The following CRTAC1 variants were observed in gnomAD, a reference collection of about 807,000 sequenced individuals.
CRTAC1 encodes the protein cartilage acidic protein 1.
In CRTAC1, 37 loss-of-function variants were observed where a neutral mutation model predicts 67.8. The observed-to-expected ratio is 0.55, with a 90% CI of 0.42 to 0.72. The LOEUF is 0.72. Ranked by LOEUF, CRTAC1 falls within the 30% of genes least tolerant of loss-of-function variation. CRTAC1 has a pLI of 0.00. For synonymous variants in CRTAC1, 348 were observed against 371.0 expected (o/e 0.94, Z 0.71); for missense variants, 780 against 931.6 (o/e 0.84, Z 2.12).
At chr10:97,956,647 T>C (rs1291310098) in intron 2 of CRTAC1, among the ~76,000 whole-genome samples, 2 of 146,062 alleles carry the variant, frequency 1.4e-5, no homozygotes, top group African/African-American at 4.9e-5. Flanking sequence ...TTTGGGCTGA[T>C]CCTCTTCTAA....
In CRTAC1 at chr10:97,956,310, C is replaced by G. The variant is rs143358053; in HGVS notation, c.225-19944G>C. On this transcript the variant is annotated intron_variant, in intron 2 of 14. Transcript: ENST00000370597. The stretch of plus-strand genomic sequence containing the variant: ...ATGTTCTCCCAAATGAACCTGTTAT[C>G]CCTTTTTACAGATGAGGCGTAAGAG... 3.4e-3 allele frequency among the ~76,000 whole-genome samples: 522 copies of G among 152,292 alleles called. 10 individuals are homozygous for G. Among genetic ancestry groups the G allele is most frequent in the Non-Finnish European group, 1.6e-3 (111 of 68,026 alleles).
At chr10:97,910,613 C>A (rs1018625802) in intron 5 of CRTAC1, among the ~76,000 whole-genome samples, 1 of 152,230 alleles carries the variant, frequency 6.6e-6, no homozygotes, top group African/African-American at 2.4e-5. Flanking sequence ...CCAGGCCCGC[C>A]TCTGGATGGG....
At chr10:98,001,225 C>T (rs1232444655) in intron 2 of CRTAC1, among the ~76,000 whole-genome samples, 2 of 152,022 alleles carry the variant, frequency 1.3e-5, no homozygotes, top group Non-Finnish European at 2.9e-5. Flanking sequence ...ACAAAGCAAG[C>T]CCCTCAGTTA....
At chr10:97,897,987 C>T (rs1239810420) in intron 8 of CRTAC1, among the ~76,000 whole-genome samples, 1 of 152,202 alleles carries the variant, frequency 6.6e-6, no homozygotes, top group Non-Finnish European at 1.5e-5. Context: ...GCAGAAAGAG[C>T]TGGCAGATGC....
intron 2 of CRTAC1, among the ~76,000 whole-genome samples, chr10:97,981,171 A>G (rs200759428): frequency 6.6e-6 from 1 of 152,192 alleles, no homozygotes. Context: ...GTGTGACCCT[A>G]TGGATCCTAT....
At chr10:97,930,227 G>C (rs1289106897) in intron 3 of CRTAC1, among the ~76,000 whole-genome samples, 3 of 152,214 alleles carry the variant, frequency 2.0e-5, no homozygotes, top group Non-Finnish European at 4.4e-5. Context: ...TTATTAAAGA[G>C]CTGAGGTTGC....
chr10:97,951,003 A>G (rs143106639), intron 2 of CRTAC1, among the ~76,000 whole-genome samples: 1 of 152,318 alleles, frequency 6.6e-6, no homozygotes, highest in East Asian at 1.9e-4. Context: ...TGCCGGGTTG[A>G]CTGCCCCCTC....
intron 1 of CRTAC1, among the ~76,000 whole-genome samples, chr10:98,013,863 C>T (rs1842951622): frequency 6.6e-6 from 1 of 152,232 alleles, no homozygotes. Flanking sequence ...AGGAGCAAGC[C>T]ATCATTAGTG....
At chr10:97,937,460 C>T (rs1339053261) in intron 2 of CRTAC1, among the ~76,000 whole-genome samples, 1 of 152,230 alleles carries the variant, frequency 6.6e-6, no homozygotes, top group East Asian at 1.9e-4. Context: ...TCCATATTCT[C>T]ATTTACCTCT....
At chr10:98,009,651 T>A (rs1842869872) in intron 2 of CRTAC1, among the ~76,000 whole-genome samples, 1 of 152,184 alleles carries the variant, frequency 6.6e-6, no homozygotes, top group African/African-American at 2.4e-5. Context: ...GGTCAAAGCT[T>A]TCTACTGTTA....
At chr10:97,947,967 C>T (rs2051291124) in intron 2 of CRTAC1, among the ~76,000 whole-genome samples, 1 of 152,034 alleles carries the variant, frequency 6.6e-6, no homozygotes, top group Non-Finnish European at 1.5e-5. Flanking sequence ...CTGAAGGATT[C>T]CGTGCAGGGT....
At chr10:97,904,485 G>T (rs954379631) in intron 7 of CRTAC1, among the ~76,000 whole-genome samples, 184 bp downstream of exon 7, 1 of 152,094 alleles carries the variant, frequency 6.6e-6, no homozygotes, top group Non-Finnish European at 1.5e-5. Flanking sequence ...GCAGTAGCAC[G>T]ATCTCAGCTC....
chr10:97,936,195 G>T lies in CRTAC1; in HGVS notation c.396C>A (p.Phe132Leu). Residue 132 changes from phenylalanine (F) to leucine (L), a missense_variant, in exon 3 of 15, where the codon TTC (phenylalanine) becomes TTA (leucine). Phe to Leu is a conservative substitution (Grantham distance 22). Coordinates refer to ENST00000370597, the MANE Select transcript of CRTAC1 (RefSeq NM_018058.7). ...IDGDGREEIY[F>L]LNTNNAFSGV... ...CCGAGAAGGCATTATTGGTGTTGAG[G>T]AAGTAGATCTCCTCCCGGCCGTCCC... The T allele has an allele frequency of 6.2e-7, 1 of 1,613,098 alleles. No homozygotes were observed. Among genetic ancestry groups the T allele is most frequent in the East Asian group, 2.2e-5 (1 of 44,858 alleles).
At chr10:97,949,270 A>C (rs76148247) in intron 2 of CRTAC1, among the ~76,000 whole-genome samples, 1 of 152,234 alleles carries the variant, frequency 6.6e-6, no homozygotes, top group African/African-American at 2.4e-5. Flanking sequence ...GGCCAACTCA[A>C]GGAATGTGAG....
chr10:97,944,285 G>A (rs146212145), intron 2 of CRTAC1, among the ~76,000 whole-genome samples: 286 of 152,170 alleles, frequency 1.9e-3, no homozygotes, highest in Non-Finnish European at 1.8e-3. Context: ...ACAAAAATTA[G>A]CTGAGCGTGG....
intron 2 of CRTAC1, among the ~76,000 whole-genome samples, chr10:97,967,860 C>T (rs2051644123): frequency 6.6e-6 from 1 of 152,084 alleles, no homozygotes; most frequent in Non-Finnish European, 1.5e-5. Context: ...TCCCTTTCAA[C>T]CCAGTGATTG....
chr10:98,029,941 A>T lies in CRTAC1; in HGVS notation c.24+508T>A, dbSNP rs1246452793. 6.6e-6 allele frequency among the ~76,000 whole-genome samples: 1 copy of T among 151,862 alleles called. No individual in the cohort carries two copies. Among genetic ancestry groups the T allele is most frequent in the Non-Finnish European group, 1.5e-5 (1 of 67,926 alleles). ...CTGCCACCCAGCGCTGTGCCCGGGAACTCGGCTTCCCAGGGGAGGAAGAGC... is the reference window on the plus strand; with the variant it reads ...CTGCCACCCAGCGCTGTGCCCGGGATCTCGGCTTCCCAGGGGAGGAAGAGC... On this transcript the variant is annotated intron_variant, in intron 1 of 14. Transcript: ENST00000370597. This position sits in a 1 kb window ranked among gnomAD's most constrained non-coding sequence, Gnocchi z 4.7.
At position 97,907,239 on chromosome 10, in the gene CRTAC1, G is replaced by A. The variant is rs115250594; in HGVS notation, c.850+774C>T. Reference sequence around the variant, plus strand: ...AGCCTGAAGAAGACGTGCATGCCACGGGCAGCAGGAGGAGGAAGGACCAGT... The same window carrying A: ...AGCCTGAAGAAGACGTGCATGCCACAGGCAGCAGGAGGAGGAAGGACCAGT... On this transcript the variant is annotated intron_variant, in intron 6 of 14. Coordinates refer to ENST00000370597, the MANE Select transcript of CRTAC1 (RefSeq NM_018058.7). Among the ~76,000 whole-genome samples, 231 of 152,318 alleles carry A rather than the reference G, an allele frequency of 1.5e-3. 2 individuals are homozygous for A. The highest frequency in any genetic ancestry group is 5.1e-3 in the African/African-American group (212 of 41,568).
intron 4 of CRTAC1, among the ~76,000 whole-genome samples, chr10:97,922,580 G>A (rs1457248585): frequency 6.6e-6 from 1 of 152,224 alleles, no homozygotes; most frequent in African/African-American, 2.4e-5. Flanking sequence ...TGGCTCTGGC[G>A]AGGCCTGCTG....
Sources: allele counts gnomAD v4.1 joint callset (sites outside exome capture counted in the v4.1 genomes callset), GRCh38; gene constraint gnomAD v4.1.1; non-coding constraint Gnocchi (gnomAD v3.1); transcripts MANE v1.5; gene names NCBI Gene and HGNC (gene_info 2026-07-23, HGNC 2026-07-21).